The following SLC14A2 variants were observed in gnomAD, a reference collection of about 807,000 sequenced individuals.
SLC14A2 encodes the protein urea transporter 2.
SLC14A2 carries 91 observed loss-of-function variants against 104.6 expected under a neutral mutation model. The ratio of observed to expected loss-of-function variants is 0.87; its 90% CI spans 0.73 to 1.04. The LOEUF (loss-of-function observed/expected upper bound fraction) is 1.04, where lower values mean the gene tolerates loss of function less well. Among genes scored for constraint, SLC14A2 ranks in the 50% least tolerant of loss-of-function variants. SLC14A2 has a pLI of 0.00. For synonymous variants in SLC14A2, 476 were observed against 466.4 expected (o/e 1.02, Z -0.27); for missense variants, 1,189 against 1,156.0 (o/e 1.03, Z -0.41).
chr18:45,291,233 G>C (rs574862287), intron 1 of SLC14A2, among the ~76,000 whole-genome samples: 3 of 152,072 alleles, frequency 2.0e-5, no homozygotes, highest in African/African-American at 7.2e-5. Flanking sequence ...GATACATAAG[G>C]CTTTAACAGG....
At chr18:45,587,582 A>C (rs2044585597) in intron 2 of SLC14A2, among the ~76,000 whole-genome samples, 1 of 152,218 alleles carries the variant, frequency 6.6e-6, no homozygotes, top group African/African-American at 2.4e-5. Flanking sequence ...AGAGGGTAGC[A>C]GGATCTGAGA....
chr18:45,608,895 G>T (rs2044921202), intron 2 of SLC14A2, among the ~76,000 whole-genome samples: 2 of 152,210 alleles, frequency 1.3e-5, no homozygotes, highest in Admixed American at 6.5e-5. Flanking sequence ...CTTCATGCCA[G>T]GTCCCCTCTG....
At chr18:45,209,226 C>T (rs1358436102), upstream of SLC14A2, among the ~76,000 whole-genome samples, 1 of 150,812 alleles carries the variant, frequency 6.6e-6, no homozygotes, top group African/African-American at 2.4e-5. Context: ...GCCTGTAGTC[C>T]TAGCTACTCG....
chr18:45,333,714 T>C (rs1056589070), intron 1 of SLC14A2, among the ~76,000 whole-genome samples: 1 of 152,190 alleles, frequency 6.6e-6, no homozygotes, highest in Non-Finnish European at 1.5e-5. Flanking sequence ...AACTAGTCTT[T>C]AATACGCCTT....
At chr18:45,512,230 T>C (rs2043375322) in intron 2 of SLC14A2, among the ~76,000 whole-genome samples, 2 of 152,098 alleles carry the variant, frequency 1.3e-5, no homozygotes, top group Non-Finnish European at 2.9e-5. Context: ...CCAGTCCCCA[T>C]CAGATGGTGG....
At chr18:45,604,114 A>G (rs966097129) in intron 2 of SLC14A2, among the ~76,000 whole-genome samples, 6 of 152,054 alleles carry the variant, frequency 3.9e-5, no homozygotes, top group East Asian at 1.9e-4. Context: ...CACTTTTCCA[A>G]TTTTTCTCTG....
At chr18:45,426,084 C>T (rs12964315) in intron 1 of SLC14A2, among the ~76,000 whole-genome samples, 54,239 of 151,886 alleles carry the variant, frequency 0.36, 11,685 homozygotes, top group Non-Finnish European at 0.48. Context: ...GTGAGCCAAC[C>T]CAACTCTCCT....
At chr18:45,571,423 CA>C (rs1314917233) in intron 2 of SLC14A2, among the ~76,000 whole-genome samples, 1 of 152,244 alleles carries the variant, frequency 6.6e-6, no homozygotes, top group Non-Finnish European at 1.5e-5. Context: ...TGCTATGCCA[CA>C]AAGCCCTCTA....
intron 1 of SLC14A2, among the ~76,000 whole-genome samples, chr18:45,304,825 A>G (rs910218894): frequency 6.6e-6 from 1 of 152,238 alleles, no homozygotes; most frequent in Non-Finnish European, 1.5e-5. Flanking sequence ...CAGAGGCCCA[A>G]GAAGTTCATG....
intron 2 of SLC14A2, among the ~76,000 whole-genome samples, chr18:45,517,512 G>T (rs2043458795): frequency 6.6e-6 from 1 of 152,190 alleles, no homozygotes; most frequent in African/African-American, 2.4e-5. Flanking sequence ...CTCAGCAGGA[G>T]GGTTTGTTAT....
chr18:45,273,037 A>G lies in SLC14A2; in HGVS notation c.-125+59846A>G, dbSNP rs76994067. 1.1e-3 allele frequency among the ~76,000 whole-genome samples: 174 copies of G among 152,220 alleles called. 1 individual carries two copies. The highest frequency in any genetic ancestry group is 7.7e-4 in the East Asian group (4 of 5,166). On this transcript the variant is annotated intron_variant, in intron 1 of 20. Coordinates refer to the SLC14A2 transcript ENST00000586448. Reference sequence around the variant, plus strand: ...AATATCGGAATAATGGACTTGACTGACTTAAACTAAAGCATGATTTTTTTT... The same window carrying G: ...AATATCGGAATAATGGACTTGACTGGCTTAAACTAAAGCATGATTTTTTTT...
chr18:45,421,576 G>A (rs150370892), intron 1 of SLC14A2, among the ~76,000 whole-genome samples: 2,554 of 152,228 alleles, frequency 0.017, 43 homozygotes, highest in African/African-American at 0.047. Context: ...TTTTTGGTCC[G>A]TATTTTTACT....
intron 4 of SLC14A2, among the ~76,000 whole-genome samples, chr18:45,630,394 C>A (rs902870047): frequency 6.6e-6 from 1 of 152,124 alleles, no homozygotes; most frequent in Non-Finnish European, 1.5e-5. Flanking sequence ...GCTGTCCCCA[C>A]CCCCAATTCC....
chr18:45,477,052 AAG>A (rs1402752469), intron 1 of SLC14A2, among the ~76,000 whole-genome samples: 1 of 151,738 alleles, frequency 6.6e-6, no homozygotes, highest in East Asian at 1.9e-4. Flanking sequence ...TCCTTTGGAG[AAG>A]AGGAGTTCTG....
the SLC14A2 span, among the ~76,000 whole-genome samples, chr18:45,193,725 C>T: frequency 6.6e-6 from 1 of 152,018 alleles, no homozygotes; most frequent in Non-Finnish European, 1.5e-5. Context: ...CAAATTTTAG[C>T]ACCAGTTTTT....
chr18:45,397,974 A>G (rs928505791), intron 1 of SLC14A2, among the ~76,000 whole-genome samples: 7 of 152,164 alleles, frequency 4.6e-5, no homozygotes, highest in African/African-American at 9.6e-5. Context: ...GCCAGTTTAC[A>G]TCACTTTTTT....
chr18:45,175,981 T>G, the SLC14A2 span, among the ~76,000 whole-genome samples: 1 of 152,182 alleles, frequency 6.6e-6, no homozygotes, highest in Admixed American at 6.6e-5. Context: ...GCTAATAACC[T>G]TCTATTACTG....
At chr18:45,573,483 A>AAAT (rs2044378126) in intron 2 of SLC14A2, among the ~76,000 whole-genome samples, 1 of 152,260 alleles carries the variant, frequency 6.6e-6, no homozygotes, top group African/African-American at 2.4e-5. Context: ...TATAAGTTAC[A>AAAT]AATAAAAACT....
chr18:45,446,435 G>T (rs2086771125), intron 1 of SLC14A2, among the ~76,000 whole-genome samples: 1 of 152,194 alleles, frequency 6.6e-6, no homozygotes, highest in African/African-American at 2.4e-5. Flanking sequence ...GTAGCTGTCT[G>T]CAAGCCAGGA....
Sources: allele counts gnomAD v4.1 joint callset (sites outside exome capture counted in the v4.1 genomes callset), GRCh38; gene constraint gnomAD v4.1.1; transcripts MANE v1.5; gene names NCBI Gene and HGNC (gene_info 2026-07-23, HGNC 2026-07-21).